The following ATP8A2 variants were observed in gnomAD, a reference collection of about 807,000 sequenced individuals.
ATP8A2 encodes ATPase phospholipid transporting 8A2, also known as phospholipid-transporting ATPase IB.
In ATP8A2, 100 loss-of-function variants were observed where a neutral mutation model predicts 165.6. The observed-to-expected ratio is 0.60, with a 90% CI of 0.51 to 0.71. ATP8A2 has a LOEUF of 0.71. Ranked by LOEUF, ATP8A2 falls within the 30% of genes least tolerant of loss-of-function variation. ATP8A2 has a pLI of 0.00. For synonymous variants in ATP8A2, 543 were observed against 548.8 expected, an observed-to-expected ratio of 0.99 and a Z score of 0.15; for missense variants, 1,227 against 1,479.5, an observed-to-expected ratio of 0.83 and a Z score of 2.80.
At chr13:25,383,705 T>C (rs561109941) in intron 1 of ATP8A2, among the ~76,000 whole-genome samples, 1 of 152,356 alleles carries the variant, frequency 6.6e-6, no homozygotes, top group East Asian at 1.9e-4. Flanking sequence ...GGTATACTTA[T>C]ATTATGAATA....
chr13:25,586,455 C>T lies in ATP8A2; in HGVS notation c.2147-3180C>T, dbSNP rs117907006. Reference sequence around the variant, plus strand: ...TGAAGGGTCTCAAGGGAGAGGTGCCCAGGCGTGTGCTCCAGGGACAAGGCC... The same window carrying T: ...TGAAGGGTCTCAAGGGAGAGGTGCCTAGGCGTGTGCTCCAGGGACAAGGCC... On this transcript the variant is annotated intron_variant, in intron 23 of 36. Coordinates refer to ENST00000381655, the MANE Select transcript of ATP8A2 (RefSeq NM_016529.6). Among the ~76,000 whole-genome samples, 787 of 152,272 alleles carry T rather than the reference C, an allele frequency of 5.2e-3. 8 individuals carry two copies. The highest frequency in any genetic ancestry group is 0.024 in the Admixed American group (370 of 15,296).
chr13:26,008,388 T>G (rs894902599), intron 35 of ATP8A2, among the ~76,000 whole-genome samples: 1 of 151,884 alleles, frequency 6.6e-6, no homozygotes, highest in African/African-American at 2.4e-5. Flanking sequence ...ATTAGAAAAT[T>G]TTAAAGTAGT....
intron 24 of ATP8A2, among the ~76,000 whole-genome samples, chr13:25,664,213 G>A (rs2042106029): frequency 6.6e-6 from 1 of 152,114 alleles, no homozygotes; most frequent in Non-Finnish European, 1.5e-5. Context: ...AATAATGGCT[G>A]TGGTAATTTA....
At chr13:25,776,982 T>G (rs976335937) in intron 27 of ATP8A2, among the ~76,000 whole-genome samples, 3 of 152,034 alleles carry the variant, frequency 2.0e-5, no homozygotes, top group African/African-American at 7.2e-5. Flanking sequence ...TTTTTTTTTT[T>G]ACTTCAAGTG....
chr13:25,590,862 G>A (rs1224657109), intron 24 of ATP8A2, among the ~76,000 whole-genome samples: 5 of 152,064 alleles, frequency 3.3e-5, no homozygotes, highest in African/African-American at 7.2e-5. Flanking sequence ...CAGGAGGCAG[G>A]GGGAGAGTCC....
At position 25,990,568 on chromosome 13, in the gene ATP8A2, C is replaced by T. The variant is rs867151370; in HGVS notation, c.3377+21889C>T. ...GAACTTGCAAGGATGGCCATGTGGC[C>T]AGCTGGGGCAGAGGGAGGGAGGGAA... On this transcript the variant is annotated intron_variant, in intron 35 of 36. Coordinates refer to ENST00000381655, the MANE Select transcript of ATP8A2 (RefSeq NM_016529.6). Among the ~76,000 whole-genome samples, 8 of 152,276 alleles carry T rather than the reference C, an allele frequency of 5.3e-5. No homozygotes were observed. In the South Asian group the frequency reaches 1.5e-3, roughly 28 times the overall value.
chr13:25,796,870 G>A (rs1009640235), intron 27 of ATP8A2, among the ~76,000 whole-genome samples: 3 of 151,758 alleles, frequency 2.0e-5, no homozygotes, highest in Non-Finnish European at 2.9e-5. Context: ...TTAAATCTGT[G>A]TTTGGCTATT....
At chr13:25,376,213 T>C (rs2032619663) in intron 1 of ATP8A2, among the ~76,000 whole-genome samples, 1 of 152,250 alleles carries the variant, frequency 6.6e-6, no homozygotes, top group Non-Finnish European at 1.5e-5. Context: ...CCCACCTGCC[T>C]AGTTCAATAT....
At chr13:25,518,980 G>T (rs766450469) in intron 2 of ATP8A2, among the ~76,000 whole-genome samples, 1 of 152,314 alleles carries the variant, frequency 6.6e-6, no homozygotes, top group Non-Finnish European at 1.5e-5. Flanking sequence ...AAAAAGGCCA[G>T]TGTGTCAACA....
intron 33 of ATP8A2, chr13:25,863,544 G>A (rs943416642): frequency 4.6e-5 from 7 of 152,196 alleles, no homozygotes; most frequent in Non-Finnish European, 8.8e-5. Context: ...TTTCATTGGT[G>A]TTCCTGCCCC....
At chr13:25,383,874 A>C (rs1046863786) in intron 1 of ATP8A2, among the ~76,000 whole-genome samples, 4 of 152,150 alleles carry the variant, frequency 2.6e-5, no homozygotes, top group African/African-American at 9.7e-5. Context: ...CCCTTGTCAC[A>C]GTCATCTGAG....
At chr13:25,397,549 G>T (rs760377433) in intron 1 of ATP8A2, among the ~76,000 whole-genome samples, 6 of 152,022 alleles carry the variant, frequency 3.9e-5, no homozygotes, top group African/African-American at 2.4e-5. Flanking sequence ...TCCATTTCTG[G>T]GGACCCATTT....
chr13:26,007,856 C>G (rs371429046), intron 35 of ATP8A2, among the ~76,000 whole-genome samples: 3 of 152,160 alleles, frequency 2.0e-5, no homozygotes, highest in East Asian at 3.9e-4. Flanking sequence ...TGAGATATAA[C>G]AGAACCCTAT....
rs1289315297 is a variant in ATP8A2 at position 26,025,690 on chromosome 13, T to C, written c.*5705T>C. The stretch of plus-strand genomic sequence containing the variant: ...TGGTTGTTAAATTACAGCAGCACAT[T>C]ACAGTGCACTGGGTTCCCTCCTGGA... On this transcript the variant is annotated 3_prime_UTR_variant, in exon 37 of 37. Coordinates refer to ENST00000381655, the MANE Select transcript of ATP8A2 (RefSeq NM_016529.6). The C allele has an allele frequency of 6.6e-6, 1 of 152,174 alleles. No homozygotes were observed. The highest frequency in any genetic ancestry group is 1.9e-4 in the East Asian group (1 of 5,190). The allele number at this position is 152,174 out of a possible 1,614,324, so 9.4% of individuals were successfully genotyped here.
intron 24 of ATP8A2, among the ~76,000 whole-genome samples, chr13:25,669,322 T>C (rs540424258): frequency 1.8e-4 from 27 of 152,346 alleles, no homozygotes; most frequent in Non-Finnish European, 3.2e-4. Context: ...CATTTTGTTA[T>C]CTCATTGGTC....
chr13:25,994,085 A>AT (rs1309698979), intron 35 of ATP8A2, among the ~76,000 whole-genome samples: 3 of 152,098 alleles, frequency 2.0e-5, no homozygotes, highest in African/African-American at 7.2e-5. Context: ...TATTTCATAT[A>AT]TTTTTGAACG....
intron 35 of ATP8A2, among the ~76,000 whole-genome samples, chr13:25,996,815 C>G (rs1956518364): frequency 6.6e-6 from 1 of 152,244 alleles, no homozygotes. Flanking sequence ...TCCCAAGTAG[C>G]TGGGATTATA....
At chr13:25,447,352 G>A (rs991723676) in intron 1 of ATP8A2, among the ~76,000 whole-genome samples, 5 of 152,088 alleles carry the variant, frequency 3.3e-5, no homozygotes, top group African/African-American at 4.8e-5. Context: ...ACAAATCAGG[G>A]TAATTAACAT....
intron 33 of ATP8A2, among the ~76,000 whole-genome samples, chr13:25,935,931 G>A (rs184249): frequency 0.53 from 79,882 of 152,076 alleles, 21,398 homozygotes; most frequent in East Asian, 0.71. Context: ...TGAGACCTTT[G>A]GTGGAGGTTA....
Sources: allele counts gnomAD v4.1 joint callset (sites outside exome capture counted in the v4.1 genomes callset), GRCh38; gene constraint gnomAD v4.1.1; transcripts MANE v1.5; gene names NCBI Gene and HGNC (gene_info 2026-07-23, HGNC 2026-07-21).